SFMBT2: variants seen among roughly 807,000 people sequenced by gnomAD.
SFMBT2 encodes scm-like with four MBT domains protein 2.
A neutral mutation model predicts 110.1 loss-of-function variants in SFMBT2; 38 were observed. The observed-to-expected ratio is 0.35, with a 90% CI of 0.27 to 0.45. The LOEUF is 0.45. Ranked by LOEUF, SFMBT2 falls within the 20% of genes least tolerant of loss-of-function variation. The probability of loss-of-function intolerance (pLI) is 1.00; values close to 1 mark genes in which losing one functional copy is unlikely to be tolerated. For missense variants in SFMBT2, 1,011 were observed against 1,094.9 expected, an observed-to-expected ratio of 0.92 and a Z score of 1.08; for synonymous variants, 425 against 425.4, an observed-to-expected ratio of 1.00 and a Z score of 0.01.
At chr10:7,270,084 T>A (rs989210978) in intron 7 of SFMBT2, among the ~76,000 whole-genome samples, 6 of 152,070 alleles carry the variant, frequency 3.9e-5, no homozygotes, top group Non-Finnish European at 5.9e-5. Context: ...GTAACTGCAA[T>A]TGAGTTAAGA....
intron 11 of SFMBT2, among the ~76,000 whole-genome samples, chr10:7,211,099 T>TGAAGG (rs1254335023): frequency 5.3e-5 from 8 of 152,062 alleles, no homozygotes; most frequent in Admixed American, 6.5e-5. Flanking sequence ...AAGTGGCAGC[T>TGAAGG]GAAGGATTTA....
At chr10:7,349,268 C>T (rs1193592454) in intron 4 of SFMBT2, among the ~76,000 whole-genome samples, 2 of 151,944 alleles carry the variant, frequency 1.3e-5, no homozygotes, top group East Asian at 1.9e-4. Context: ...ATGGAATGCT[C>T]AGCACAGACT....
chr10:7,248,533 G>C lies in SFMBT2; in HGVS notation c.972+15C>G, dbSNP rs1840693212. On this transcript the variant is annotated intron_variant, in intron 8 of 20. Coordinates refer to ENST00000397167, the MANE Select transcript of SFMBT2 (RefSeq NM_001387889.1). ...CTCTAGGGGCTGGGTCGAAGAGCGA[G>C]GGAGGAAAACCCACCTTAGTCACCG... The C allele has an allele frequency of 6.2e-7, 1 of 1,609,250 alleles. No homozygotes were observed. Among genetic ancestry groups the C allele is most frequent in the Admixed American group, 1.7e-5 (1 of 59,978 alleles).
intron 4 of SFMBT2, among the ~76,000 whole-genome samples, chr10:7,288,229 A>G (rs112361468): frequency 1.3e-5 from 2 of 152,130 alleles, no homozygotes; most frequent in East Asian, 3.8e-4. Flanking sequence ...CCCACGCACA[A>G]GGATGATCAT....
intron 15 of SFMBT2, among the ~76,000 whole-genome samples, chr10:7,194,370 C>T (rs1044646730): frequency 2.0e-5 from 3 of 152,156 alleles, no homozygotes; most frequent in South Asian, 2.1e-4. Context: ...TCTTATAAAG[C>T]GGCCCACTCA....
At chr10:7,236,557 G>A (rs1225752306) in intron 9 of SFMBT2, among the ~76,000 whole-genome samples, 2 of 152,152 alleles carry the variant, frequency 1.3e-5, no homozygotes, top group East Asian at 3.9e-4. Flanking sequence ...TTCAACAAAC[G>A]ATGCAGAGAC....
intron 2 of SFMBT2, among the ~76,000 whole-genome samples, chr10:7,381,094 TACATAC>T (rs1564467713): frequency 6.6e-6 from 1 of 151,904 alleles, no homozygotes; most frequent in African/African-American, 2.4e-5. Flanking sequence ...CATACATACA[TACATAC>T]ATACATACAT....
intron 4 of SFMBT2, among the ~76,000 whole-genome samples, chr10:7,366,023 C>A (rs1489195718): frequency 6.6e-6 from 1 of 152,142 alleles, no homozygotes; most frequent in East Asian, 1.9e-4. Flanking sequence ...GTGATGAACA[C>A]TGAAGGCGCA....
At chr10:7,276,558 C>T (rs1376690390) in intron 7 of SFMBT2, among the ~76,000 whole-genome samples, 1 of 152,160 alleles carries the variant, frequency 6.6e-6, no homozygotes, top group African/African-American at 2.4e-5. Context: ...GAGATTAAGT[C>T]TCACTCTGTT....
At chr10:7,403,184 A>G (rs908711157) in intron 1 of SFMBT2, among the ~76,000 whole-genome samples, 38 of 152,224 alleles carry the variant, frequency 2.5e-4, no homozygotes, top group African/African-American at 8.7e-4. Flanking sequence ...AACGAAAAAC[A>G]AAAAGAGAAC....
At chr10:7,353,493 G>GA (rs34329600) in intron 4 of SFMBT2, among the ~76,000 whole-genome samples, 62,691 of 140,438 alleles carry the variant, frequency 0.45, 13,450 homozygotes, top group East Asian at 0.68. Context: ...AAATCATAAA[G>GA]AAAAAAAAAA....
At chr10:7,187,979 C>T (rs1218697847) in intron 16 of SFMBT2, among the ~76,000 whole-genome samples, 1 of 152,158 alleles carries the variant, frequency 6.6e-6, no homozygotes, top group Admixed American at 6.5e-5. Context: ...ATCTTAGAAA[C>T]GGATCTTTTT....
At chr10:7,249,747 TAGA>T (rs1840741121) in intron 7 of SFMBT2, among the ~76,000 whole-genome samples, 1 of 152,192 alleles carries the variant, frequency 6.6e-6, no homozygotes, top group Non-Finnish European at 1.5e-5. Context: ...GAGATCAGAC[TAGA>T]AGAACTGCTT....
chr10:7,178,048 C>T (rs1838130923), intron 16 of SFMBT2, among the ~76,000 whole-genome samples: 1 of 152,200 alleles, frequency 6.6e-6, no homozygotes, highest in East Asian at 1.9e-4. Context: ...AGAGAATAAA[C>T]ATCGTTGCAA....
At chr10:7,203,666 G>C (rs1435364162) in intron 12 of SFMBT2, 1 of 984,592 alleles carries the variant, frequency 1.0e-6, no homozygotes. Flanking sequence ...CAACACTCAG[G>C]TTGGGGAGAA....
In SFMBT2 at chr10:7,350,570, A is replaced by G. The variant is rs575448367; in HGVS notation, c.436+17079T>C. On this transcript the variant is annotated intron_variant, in intron 4 of 20. Transcript: ENST00000397167. The stretch of plus-strand genomic sequence containing the variant: ...GCTCGCTACATCTTGAAATACAAAT[A>G]TGTTTAATTTTTGTGTAGCTTGTCA... 3.3e-5 allele frequency among the ~76,000 whole-genome samples: 5 copies of G among 152,206 alleles called. No homozygotes were observed. In the East Asian group the frequency reaches 9.6e-4, roughly 29 times the overall value.
intron 4 of SFMBT2, among the ~76,000 whole-genome samples, chr10:7,316,584 A>T (rs980497644): frequency 6.6e-6 from 1 of 152,228 alleles, no homozygotes; most frequent in Admixed American, 6.5e-5. Flanking sequence ...CATGCAACTG[A>T]GTTTAAAACC....
chr10:7,174,987 G>A (rs1461156868), intron 17 of SFMBT2, among the ~76,000 whole-genome samples: 2 of 152,188 alleles, frequency 1.3e-5, no homozygotes, highest in East Asian at 3.9e-4. Flanking sequence ...CACACTGAGA[G>A]ATAATAAAAT....
At chr10:7,242,548 C>T (rs909863258) in intron 9 of SFMBT2, among the ~76,000 whole-genome samples, 7 of 152,154 alleles carry the variant, frequency 4.6e-5, no homozygotes, top group African/African-American at 1.7e-4. Flanking sequence ...TACCATTAGG[C>T]GGAACTCCAT....
Sources: gnomAD v4.1 joint callset for allele counts (sites outside exome capture counted in the v4.1 genomes callset) on GRCh38, gnomAD v4.1.1 for gene constraint, MANE v1.5 for transcripts, NCBI Gene and HGNC (gene_info 2026-07-23, HGNC 2026-07-21) for gene names.